KYAT1: variants seen among roughly 807,000 people sequenced by gnomAD.
KYAT1 encodes kynurenine--oxoglutarate transaminase 1.
In KYAT1, 47 loss-of-function variants were observed where a neutral mutation model predicts 52.4. The observed-to-expected ratio is 0.90, with a 90% CI of 0.71 to 1.14. The LOEUF (loss-of-function observed/expected upper bound fraction) is 1.14, where lower values mean the gene tolerates loss of function less well. KYAT1 is among the 50% of genes most tolerant of loss of function. KYAT1 has a pLI of 0.00. For missense variants in KYAT1, 480 were observed against 557.9 expected (o/e 0.86, Z 1.41); for synonymous variants, 212 against 209.6 (o/e 1.01, Z -0.10).
intron 1 of KYAT1, among the ~76,000 whole-genome samples, chr9:128,849,909 G>C (rs1191409954): frequency 8.6e-6 from 1 of 115,798 alleles, no homozygotes; most frequent in Non-Finnish European, 1.7e-5. Flanking sequence ...TTTTGAGATA[G>C]GGTCTCACGT....
At chr9:128,839,216 G>A (rs1241391758) in intron 3 of KYAT1, among the ~76,000 whole-genome samples, 1 of 151,944 alleles carries the variant, frequency 6.6e-6, no homozygotes, top group African/African-American at 2.4e-5. Context: ...TGCCTGCTTT[G>A]GCCTCCCAAA....
chr9:128,844,418 T>C (rs1832739639), intron 2 of KYAT1, among the ~76,000 whole-genome samples: 1 of 151,746 alleles, frequency 6.6e-6, no homozygotes, highest in African/African-American at 2.4e-5. Flanking sequence ...CAGTGGCTCA[T>C]GCCTGTAATC....
intron 2 of KYAT1, among the ~76,000 whole-genome samples, chr9:128,843,418 C>A (rs1007847776): frequency 1.3e-5 from 2 of 151,020 alleles, no homozygotes; most frequent in Non-Finnish European, 2.9e-5. Flanking sequence ...TCGCTCTATC[C>A]CCTAGGCTGG....
At chr9:128,838,021 G>C in intron 5 of KYAT1, 30 bp downstream of exon 5, 1 of 1,605,660 alleles carries the variant, frequency 6.2e-7, no homozygotes, top group South Asian at 1.1e-5. Flanking sequence ...GGATCCCTCT[G>C]CCCATCCATC....
intron 1 of KYAT1, among the ~76,000 whole-genome samples, chr9:128,872,898 C>G (rs1837441265): frequency 6.6e-6 from 1 of 151,624 alleles, no homozygotes; most frequent in South Asian, 2.1e-4. Flanking sequence ...CATGATGAAA[C>G]CCCGTCCCTA....
At chr9:128,837,654 A>AG in intron 6 of KYAT1, 31 bp downstream of exon 6, 1 of 1,612,974 alleles carries the variant, frequency 6.2e-7, no homozygotes, top group South Asian at 1.1e-5. Flanking sequence ...CCAGGTCCGC[A>AG]GGGGGCCAGG....
chr9:128,837,280 C>T (rs141994322), intron 6 of KYAT1, among the ~76,000 whole-genome samples: 3,396 of 152,262 alleles, frequency 0.022, 126 homozygotes, highest in African/African-American at 0.077. Context: ...GGAGACAGAG[C>T]GAGACTCCGT....
intron 1 of KYAT1, chr9:128,846,587 A>T: frequency 1.0e-6 from 1 of 974,194 alleles, no homozygotes; most frequent in Non-Finnish European, 1.4e-6. Context: ...CGACCCAACG[A>T]GCAAGACTCT....
At chr9:128,842,932 C>T (rs1306570100) in intron 2 of KYAT1, 131 bp from the exon 3 acceptor site, 19 of 812,850 alleles carry the variant, frequency 2.3e-5, no homozygotes, top group East Asian at 3.1e-5. Flanking sequence ...TTTGGGAGGC[C>T]GAGGTGGGCG....
chr9:128,858,395 T>TAAAA (rs59939090), intron 1 of KYAT1, among the ~76,000 whole-genome samples: 4 of 65,108 alleles, frequency 6.1e-5, no homozygotes, highest in African/African-American at 1.7e-4. Flanking sequence ...AGACCATGTA[T>TAAAA]AAAAAAAAAA....
intron 3 of KYAT1, chr9:128,840,492 C>A: frequency 2.8e-6 from 1 of 352,306 alleles, no homozygotes; most frequent in Non-Finnish European, 5.4e-6. Context: ...CTCAGGTGAT[C>A]TGCCAGCCTT....
At chr9:128,835,232 G>T in intron 11 of KYAT1, 91 bp downstream of exon 11, 3 of 1,013,474 alleles carry the variant, frequency 3.0e-6, no homozygotes, top group South Asian at 1.3e-5. Flanking sequence ...GCTGGACTAA[G>T]ATCTAGCCCA....
chr9:128,846,122 C>T (rs115704059), intron 1 of KYAT1, among the ~76,000 whole-genome samples: 149 of 152,308 alleles, frequency 9.8e-4, no homozygotes, highest in African/African-American at 3.5e-3. Context: ...CCTCCTCAGC[C>T]ACTGGTGTGC....
chr9:128,879,296 TGA>T (rs1221127211), intron 1 of KYAT1, among the ~76,000 whole-genome samples: 2 of 148,658 alleles, frequency 1.3e-5, no homozygotes, highest in Non-Finnish European at 3.0e-5. Flanking sequence ...GGCGACAGAG[TGA>T]GACTCCGTCT....
At chr9:128,877,865 C>T (rs554901482) in intron 1 of KYAT1, among the ~76,000 whole-genome samples, 3 of 152,224 alleles carry the variant, frequency 2.0e-5, no homozygotes, top group Non-Finnish European at 4.4e-5. Flanking sequence ...AGACAACACA[C>T]ATCGTGGCAC....
intron 1 of KYAT1, among the ~76,000 whole-genome samples, chr9:128,866,935 AG>A (rs984160984): frequency 6.6e-6 from 1 of 152,104 alleles, no homozygotes; most frequent in Non-Finnish European, 1.5e-5. Context: ...TAACCTTGAA[AG>A]GATGCTGAAA....
rs556739822 is a variant in KYAT1 at position 128,852,096 on chromosome 9, G to A, written c.-6-6685C>T. 6.6e-5 allele frequency among the ~76,000 whole-genome samples: 10 copies of A among 152,208 alleles called. No individual in the cohort carries two copies. In the East Asian group the frequency reaches 7.7e-4, roughly 12 times the overall value. ...CACTCTCTAAGGAAAAGTTGGGGGC[G>A]CTACATAAAATAGTTAAAAAACTAT... On this transcript the variant is annotated intron_variant, in intron 1 of 12. Coordinates refer to ENST00000302586, the MANE Select transcript of KYAT1 (RefSeq NM_004059.5).
intron 2 of KYAT1, among the ~76,000 whole-genome samples, chr9:128,843,895 A>G (rs989324787): frequency 3.3e-5 from 5 of 152,334 alleles, no homozygotes; most frequent in African/African-American, 9.6e-5. Flanking sequence ...AGCCTTCACA[A>G]TGGCCTGTGA....
intron 1 of KYAT1, among the ~76,000 whole-genome samples, chr9:128,863,989 G>T (rs1320739664): frequency 6.6e-6 from 1 of 152,112 alleles, no homozygotes; most frequent in African/African-American, 2.4e-5. Context: ...CTCCTCAACA[G>T]CCCTGGCAGT....
Sources: allele counts gnomAD v4.1 joint callset (sites outside exome capture counted in the v4.1 genomes callset), GRCh38; gene constraint gnomAD v4.1.1; transcripts MANE v1.5; gene names NCBI Gene and HGNC (gene_info 2026-07-23, HGNC 2026-07-21).